TOM1L2: variants seen among roughly 807,000 people sequenced by gnomAD.
TOM1L2 encodes the protein TOM1-like protein 2.
A neutral mutation model predicts 67.9 loss-of-function variants in TOM1L2; 31 were observed. The observed-to-expected ratio is 0.46, with a 90% CI of 0.34 to 0.62. The LOEUF (loss-of-function observed/expected upper bound fraction) is 0.62. Ranked by LOEUF, TOM1L2 falls within the 20% of genes least tolerant of loss-of-function variation. The pLI, the probability that TOM1L2 is intolerant of heterozygous loss-of-function variation, is 0.01. For synonymous variants in TOM1L2, 256 were observed against 254.0 expected (o/e 1.01, Z -0.07); for missense variants, 606 against 663.5 (o/e 0.91, Z 0.95).
intron 7 of TOM1L2, chr17:17,869,721 A>G (rs750778180): frequency 1.6e-4 from 187 of 1,194,564 alleles, no homozygotes; most frequent in Non-Finnish European, 1.9e-4. Flanking sequence ...ATACAAGTAC[A>G]TGCTTGTACA....
At chr17:17,959,092 G>A (rs916238994) in intron 1 of TOM1L2, among the ~76,000 whole-genome samples, 5 of 152,300 alleles carry the variant, frequency 3.3e-5, no homozygotes, top group East Asian at 1.9e-4. Flanking sequence ...CCTTTGTCAC[G>A]AAAATGTAAG....
At chr17:17,893,955 T>A in intron 3 of TOM1L2, 145 bp from the exon 4 acceptor site, 1 of 735,106 alleles carries the variant, frequency 1.4e-6, no homozygotes, top group Non-Finnish European at 2.2e-6. Context: ...GAGCCAAACC[T>A]GCATGGCACA....
intron 10 of TOM1L2, 115 bp from the exon 11 acceptor site, chr17:17,862,963 T>TGG: frequency 1.1e-5 from 2 of 176,176 alleles, no homozygotes; most frequent in Admixed American, 7.5e-5. Flanking sequence ...ATGGGGAGGG[T>TGG]GGGGCGGGAC....
chr17:17,850,946 C>T lies in TOM1L2; in HGVS notation c.1285G>A (p.Val429Ile), dbSNP rs150784633. ...TCGTCCATGACAGATGGCTGCGCAA[C>T]GGGGATCTATGGAGGCGGCAAGCAG... ...NRKQSSEGIP[V>I]AQPSVMDDIE... is the part of the protein sequence containing the mutation. Residue 429 changes from valine (V) to isoleucine (I), a missense_variant, in exon 13 of 15, where the codon GTT becomes ATT. Transcript: ENST00000379504. 1.9e-5 allele frequency: 30 copies of T among 1,613,764 alleles called. No homozygotes were observed. The highest frequency in any genetic ancestry group is 2.1e-5 in the Non-Finnish European group (25 of 1,180,014).
intron 1 of TOM1L2, among the ~76,000 whole-genome samples, chr17:17,935,922 C>A (rs190803135): frequency 6.0e-4 from 91 of 152,334 alleles, no homozygotes; most frequent in African/African-American, 2.1e-3. Flanking sequence ...ACAGTCTGAA[C>A]TGGTCTCCCA....
rs2037785854 is a variant in TOM1L2, at chr17:17,882,701, G to A, written c.660+4C>T. Reference sequence around the variant, plus strand: ...TTGCCTATGGCCCCGAAGTATGCAAGTACCTGTTCTGAATTGGCTGTGATG... The same window carrying A: ...TTGCCTATGGCCCCGAAGTATGCAAATACCTGTTCTGAATTGGCTGTGATG... On this transcript the variant is annotated splice_donor_region_variant and intron_variant, in intron 6 of 14. Coordinates refer to ENST00000379504, the MANE Select transcript of TOM1L2 (RefSeq NM_001082968.2). 1.2e-6 allele frequency: 2 copies of A among 1,613,772 alleles called. No individual in the cohort carries two copies. Among genetic ancestry groups the A allele is most frequent in the African/African-American group, 1.3e-5 (1 of 75,058 alleles).
At chr17:17,920,929 C>A (rs2039839088) in intron 1 of TOM1L2, among the ~76,000 whole-genome samples, 1 of 152,232 alleles carries the variant, frequency 6.6e-6, no homozygotes, top group Admixed American at 6.5e-5. Context: ...GCCACCGTTG[C>A]AGGCAGTTCA....
intron 7 of TOM1L2, among the ~76,000 whole-genome samples, chr17:17,875,606 T>G (rs1351334136): frequency 6.6e-6 from 1 of 152,252 alleles, no homozygotes; most frequent in Non-Finnish European, 1.5e-5. Context: ...GAAGAACAGC[T>G]GGTCACTTGT....
rs746566696 is a variant in TOM1L2, at chr17:17,847,643, C to T, written c.1516G>A (p.Ala506Thr). The change falls in exon 15 of 15, where the codon GCC (alanine) becomes ACC (threonine). Residue 506 changes from alanine to threonine, a missense_variant. By Grantham distance (58) the Ala-to-Thr change is moderately conservative. This residue lies in a region of TOM1L2 where 543 missense variants were observed against 554.0 expected (regional missense o/e 0.98). Coordinates refer to ENST00000379504, the MANE Select transcript of TOM1L2 (RefSeq NM_001082968.2). ...KPERSEDALFAL is the reference protein window; with the variant it reads ...KPERSEDALFTL ...GCAAACCACAGAGCTGCTCACAGGG[C>T]GAAGAGGGCATCCTCTGACCGCTCT... The T allele has an allele frequency of 1.4e-5, 23 of 1,609,610 alleles. No individual in the cohort carries two copies. The East Asian group carries it at 3.1e-4, about 22-fold the overall frequency.
At chr17:17,848,674 G>T in intron 14 of TOM1L2, 149 bp downstream of exon 14, 1 of 785,950 alleles carries the variant, frequency 1.3e-6, no homozygotes, top group Non-Finnish European at 2.1e-6. Context: ...GACCTGGGTG[G>T]GACAAAGCCA....
At chr17:17,940,192 CAAA>C (rs34433429) in intron 1 of TOM1L2, among the ~76,000 whole-genome samples, 43 of 32,606 alleles carry the variant, frequency 1.3e-3, no homozygotes, top group African/African-American at 3.8e-3. Flanking sequence ...GACTCTATCT[CAAA>C]AAAAAAAAAA....
intron 1 of TOM1L2, among the ~76,000 whole-genome samples, chr17:17,953,255 G>A (rs2041284304): frequency 6.6e-6 from 1 of 152,132 alleles, no homozygotes; most frequent in African/African-American, 2.4e-5. Flanking sequence ...ACTCCAGCCT[G>A]GGCAACAGAG....
Position 17,898,652 on chromosome 17 carries a change from G to C in TOM1L2, c.160C>G (p.Leu54Val). 1.9e-6 allele frequency: 3 copies of C among 1,614,100 alleles called. No homozygotes were observed. Among genetic ancestry groups the C allele is most frequent in the South Asian group, 2.2e-5 (2 of 91,086 alleles). Reference sequence around the variant, plus strand: ...CGGTTCCCGTTGAGCCGCTTCTTCAGGGCTCGAATGGCATCCTTTGGCCTG... The same window carrying C: ...CGGTTCCCGTTGAGCCGCTTCTTCACGGCTCGAATGGCATCCTTTGGCCTG... Reference protein sequence around the residue: ...EEGPKDAIRALKKRLNGNRNY... With the variant: ...EEGPKDAIRAVKKRLNGNRNY... The change falls in exon 3 of 15, where the codon CTG becomes GTG. Residue 54 changes from leucine to valine, a missense_variant. Transcript: ENST00000379504.
intron 12 of TOM1L2, among the ~76,000 whole-genome samples, chr17:17,852,020 G>A (rs2036006798): frequency 6.6e-6 from 1 of 152,212 alleles, no homozygotes; most frequent in African/African-American, 2.4e-5. Flanking sequence ...GAGAAATGAG[G>A]TGATGACCCT....
At chr17:17,885,140 C>A (rs1835142067) in intron 4 of TOM1L2, among the ~76,000 whole-genome samples, 1 of 152,262 alleles carries the variant, frequency 6.6e-6, no homozygotes, top group South Asian at 2.1e-4. Flanking sequence ...GAAGCTGGAG[C>A]CTTGTCAGCT....
chr17:17,882,948 T>A, intron 5 of TOM1L2, 85 bp from the exon 6 acceptor site: 1 of 1,521,942 alleles, frequency 6.6e-7, no homozygotes, highest in Non-Finnish European at 9.0e-7. Context: ...ATGCAGCACT[T>A]CCCCAAGGCT....
intron 4 of TOM1L2, among the ~76,000 whole-genome samples, chr17:17,886,138 A>C (rs565708165): frequency 6.0e-4 from 91 of 152,156 alleles, no homozygotes; most frequent in Admixed American, 1.6e-3. Flanking sequence ...CACTCCAGCA[A>C]TGTGGTACAA....
At chr17:17,878,205 T>C (rs2037523379) in intron 7 of TOM1L2, among the ~76,000 whole-genome samples, 2 of 152,210 alleles carry the variant, frequency 1.3e-5, no homozygotes, top group Admixed American at 1.3e-4. Context: ...CCCTGGAGTG[T>C]GGCACATATT....
At chr17:17,855,475 G>A (rs1416667192) in intron 12 of TOM1L2, among the ~76,000 whole-genome samples, 1 of 152,240 alleles carries the variant, frequency 6.6e-6, no homozygotes, top group Non-Finnish European at 1.5e-5. Flanking sequence ...CCAGCCAAGA[G>A]AGGCAAAAAG....
Sources: gnomAD v4.1 joint callset for allele counts (sites outside exome capture counted in the v4.1 genomes callset) on GRCh38, gnomAD v4.1.1 for gene constraint, gnomAD v4.1.1 regional missense constraint, MANE v1.5 for transcripts, NCBI Gene and HGNC (gene_info 2026-07-23, HGNC 2026-07-21) for gene names.